The following TRMT9B variants were observed in gnomAD, a reference collection of about 807,000 sequenced individuals.
TRMT9B encodes probable tRNA methyltransferase 9B.
Under a neutral mutation model 11.5 loss-of-function variants are expected in TRMT9B, and 16 were observed. That is an observed-to-expected ratio of 1.39 (90% confidence interval 0.94 to 2.11). The LOEUF (loss-of-function observed/expected upper bound fraction) is 2.11. Among genes scored for constraint, TRMT9B ranks in the 30% most tolerant of loss-of-function variants. TRMT9B has a pLI of 0.00. For missense variants in TRMT9B, 941 were observed against 553.8 expected, an observed-to-expected ratio of 1.70 and a Z score of -7.02; for synonymous variants, 274 against 192.4, an observed-to-expected ratio of 1.42 and a Z score of -3.51.
intron 3 of TRMT9B, chr8:13,010,942 A>C (rs1174784516): frequency 9.9e-6 from 9 of 907,354 alleles, no homozygotes; most frequent in Non-Finnish European, 1.2e-5. Flanking sequence ...TCATAGAAAT[A>C]ATATGGTCAC....
intron 3 of TRMT9B, chr8:13,010,744 A>G: frequency 1.0e-6 from 1 of 984,568 alleles, no homozygotes; most frequent in Non-Finnish European, 1.2e-6. Context: ...CCTCGAGCCA[A>G]TGAAAAAGCA....
intron 1 of TRMT9B, among the ~76,000 whole-genome samples, chr8:12,989,697 C>T (rs948625892): frequency 2.0e-5 from 3 of 152,134 alleles, no homozygotes; most frequent in South Asian, 2.1e-4. Context: ...AGGGTAAGTC[C>T]GAACAGAGAA....
At chr8:12,965,440 A>T (rs1802680906) in intron 1 of TRMT9B, among the ~76,000 whole-genome samples, 1 of 152,168 alleles carries the variant, frequency 6.6e-6, no homozygotes, top group African/African-American at 2.4e-5. Flanking sequence ...TAGCCAGAAG[A>T]CATGGTGTGG....
chr8:12,992,381 A>T (rs566447322), intron 2 of TRMT9B, among the ~76,000 whole-genome samples: 1 of 152,248 alleles, frequency 6.6e-6, no homozygotes, highest in South Asian at 2.1e-4. Flanking sequence ...GGGGCCGGGC[A>T]CAGTGGCTCA....
chr8:12,949,474 C>A (rs73544657), intron 1 of TRMT9B, among the ~76,000 whole-genome samples: 6,705 of 152,166 alleles, frequency 0.044, 489 homozygotes, highest in African/African-American at 0.15. Context: ...TACAAATTTT[C>A]TTTACAGTAC....
At chr8:12,994,501 C>G (rs1807983092) in intron 2 of TRMT9B, among the ~76,000 whole-genome samples, 1 of 152,142 alleles carries the variant, frequency 6.6e-6, no homozygotes, top group African/African-American at 2.4e-5. Flanking sequence ...TCTTCAAACA[C>G]ATCAAGTGCC....
At chr8:13,019,463 T>C (rs1473170874) in intron 4 of TRMT9B, among the ~76,000 whole-genome samples, 1 of 152,128 alleles carries the variant, frequency 6.6e-6, no homozygotes, top group East Asian at 1.9e-4. Context: ...AGTTAATTTT[T>C]TTATATTTTT....
chr8:12,961,295 T>C (rs1224054237), intron 1 of TRMT9B, among the ~76,000 whole-genome samples: 1 of 152,158 alleles, frequency 6.6e-6, no homozygotes. Context: ...TCAATAGTGG[T>C]TCATCAGTTG....
rs1210717987 is a variant in TRMT9B, at chr8:13,029,320, T to A, written c.*7276T>A. 2 of 167,062 alleles carry A rather than the reference T, an allele frequency of 1.2e-5. No individual in the cohort carries two copies. The highest frequency in any genetic ancestry group is 2.9e-5 in the Non-Finnish European group (2 of 68,110). 10.3% of individuals were successfully genotyped at this position (167,062 alleles called of 1,614,324 possible). On this transcript the variant is annotated 3_prime_UTR_variant, in exon 5 of 5. Transcript: ENST00000524591. ...TCTACAATGTACAGTTATTTTGACTTTTCCCAGGGGAAGCTAGCAATAGTT... is the reference window on the plus strand; with the variant it reads ...TCTACAATGTACAGTTATTTTGACTATTCCCAGGGGAAGCTAGCAATAGTT...
At chr8:12,991,438 C>T (rs911293795) in intron 2 of TRMT9B, among the ~76,000 whole-genome samples, 1 of 152,130 alleles carries the variant, frequency 6.6e-6, no homozygotes, top group Admixed American at 6.5e-5. Context: ...TGTAAGTTGT[C>T]TTTTAACTGT....
intron 1 of TRMT9B, among the ~76,000 whole-genome samples, chr8:12,984,530 T>C (rs982788426): frequency 2.6e-5 from 4 of 152,188 alleles, no homozygotes; most frequent in Non-Finnish European, 5.9e-5. Flanking sequence ...CCATCCTGCC[T>C]AAACCTTCTT....
chr8:12,955,019 A>G (rs1012821807), intron 1 of TRMT9B, among the ~76,000 whole-genome samples: 1 of 152,228 alleles, frequency 6.6e-6, no homozygotes, highest in Non-Finnish European at 1.5e-5. Context: ...GAGCAGTCAT[A>G]AAGAGGGGTT....
At chr8:12,982,239 G>A (rs1563355581) in intron 1 of TRMT9B, among the ~76,000 whole-genome samples, 1 of 152,170 alleles carries the variant, frequency 6.6e-6, no homozygotes, top group Admixed American at 6.5e-5. Flanking sequence ...ACCCCAGGCA[G>A]AGGTGATAGG....
In TRMT9B at chr8:13,021,104, G is replaced by C. The variant is rs957896466; in HGVS notation, c.425G>C (p.Trp142Ser). 2.5e-6 allele frequency: 4 copies of C among 1,611,426 alleles called. No homozygotes were observed. The African/African-American group carries it at 4.0e-5, about 16-fold the overall frequency. Residue 142 changes from tryptophan to serine, a missense_variant, in exon 5 of 5, where the codon TGG becomes TCG. Physicochemically the swap from Trp to Ser is radical, Grantham distance 177. Coordinates refer to ENST00000524591, the MANE Select transcript of TRMT9B (RefSeq NM_020844.3). ...VPGGQLMIYVWAMEQKNRHFE... is the reference protein window; with the variant it reads ...VPGGQLMIYVSAMEQKNRHFE... ...GGAGGCCAACTGATGATTTACGTTT[G>C]GGCAATGGAACAAAAGAACCGTCAC...
At chr8:13,018,519 T>C (rs549863264) in intron 4 of TRMT9B, among the ~76,000 whole-genome samples, 1 of 152,272 alleles carries the variant, frequency 6.6e-6, no homozygotes, top group Admixed American at 6.5e-5. Context: ...TTTAAAGGTT[T>C]TTTTGTCTTA....
intron 1 of TRMT9B, among the ~76,000 whole-genome samples, chr8:12,970,726 G>A (rs1463368060): frequency 6.6e-6 from 1 of 152,210 alleles, no homozygotes; most frequent in South Asian, 2.1e-4. Flanking sequence ...TTATTTGGAA[G>A]TGGAATTAGG....
intron 4 of TRMT9B, among the ~76,000 whole-genome samples, chr8:13,017,242 C>G (rs533398006): frequency 6.6e-6 from 1 of 152,170 alleles, no homozygotes; most frequent in Admixed American, 6.5e-5. Context: ...GGCATGTACA[C>G]TTGAAAAGTT....
chr8:12,968,240 G>A (rs773633238), intron 1 of TRMT9B, among the ~76,000 whole-genome samples: 1 of 152,162 alleles, frequency 6.6e-6, no homozygotes, highest in Non-Finnish European at 1.5e-5. Flanking sequence ...CATCCCAAGG[G>A]ACTATAAAGT....
intron 1 of TRMT9B, among the ~76,000 whole-genome samples, chr8:12,949,001 G>A (rs1800406458): frequency 6.6e-6 from 1 of 152,008 alleles, no homozygotes. Flanking sequence ...CGTGTTCAAC[G>A]TTTCATAGTT....
Sources: allele counts gnomAD v4.1 joint callset (sites outside exome capture counted in the v4.1 genomes callset), GRCh38; gene constraint gnomAD v4.1.1; transcripts MANE v1.5; gene names NCBI Gene and HGNC (gene_info 2026-07-23, HGNC 2026-07-21).